Variants in FRMPD3 observed in about 807,000 individuals in gnomAD.
The protein encoded by FRMPD3 is FERM and PDZ domain-containing protein 3.
Under a neutral mutation model 97.9 loss-of-function variants are expected in FRMPD3, and 42 were observed. That is an observed-to-expected ratio of 0.43 (90% confidence interval 0.34 to 0.55). FRMPD3 has a LOEUF of 0.55. Among genes scored for constraint, FRMPD3 ranks in the 20% least tolerant of loss-of-function variants. The probability of loss-of-function intolerance (pLI) is 0.03; values close to 1 mark genes in which losing one functional copy is unlikely to be tolerated. For missense variants in FRMPD3, 1,303 were observed against 1,457.7 expected (o/e 0.89, Z 1.73); for synonymous variants, 577 against 581.1 (o/e 0.99, Z 0.10).
rs1331817020 is a variant in FRMPD3, at chrX:107,602,681, G to A, written c.4642G>A (p.Ala1548Thr). The A allele has an allele frequency of 1.7e-6, 2 of 1,208,627 alleles. No homozygotes were observed. Among genetic ancestry groups the A allele is most frequent in the Non-Finnish European group, 2.2e-6 (2 of 895,216 alleles). The change falls in exon 15 of 15, where the codon GCT (alanine) becomes ACT (threonine). Residue 1548 changes from alanine (A) to threonine (T), a missense_variant. By Grantham distance (58) the Ala-to-Thr change is moderately conservative (BLOSUM62 0). Around this residue, in one of 3 missense-constraint regions of FRMPD3, gnomAD observed 764 missense variants for 820.2 expected, o/e 0.93. Transcript: ENST00000683843. ...CAGGACCCTGCAGGTGCTGGATGCT[G>A]CTACCTGCAGCAGCAGCAGCCCTGA... ...VSRTLQVLDA[A>T]TCSSSSPEAS...
rs1921955455 is a variant in FRMPD3, at chrX:107,503,184, TTGAATAGCAGC to T, written c.-7-23397_-7-23387del. ...GGTGGGTCAGACACTGGCTGCACTG[TTGAATAGCAGC>T]ACCAAGCCCATGTCCATAGTGCCAG... On this transcript the variant is annotated intron_variant, in intron 1 of 14. Transcript: ENST00000683843. Among the ~76,000 whole-genome samples the T allele has an allele frequency of 6.3e-5, 7 of 111,969 alleles. No individual in the cohort carries two copies. In the South Asian group the frequency reaches 2.6e-3, roughly 42 times the overall value.
intron 1 of FRMPD3, among the ~76,000 whole-genome samples, chrX:107,490,594 A>G (rs868170722): frequency 2.7e-5 from 3 of 111,033 alleles, no homozygotes; most frequent in Non-Finnish European, 3.8e-5. Flanking sequence ...ATTCTCTTTG[A>G]AGCAATTGTG....
intron 13 of FRMPD3, among the ~76,000 whole-genome samples, chrX:107,585,520 G>T (rs1381439966): frequency 5.4e-5 from 6 of 111,521 alleles, no homozygotes; most frequent in Admixed American, 1.9e-4. Flanking sequence ...TCTCGTACTG[G>T]TTTTCAAAGG....
intron 13 of FRMPD3, among the ~76,000 whole-genome samples, chrX:107,580,949 G>A (rs1051716117): frequency 5.4e-5 from 6 of 111,426 alleles, no homozygotes; most frequent in African/African-American, 2.0e-4. Flanking sequence ...CCATATCTTA[G>A]CTATGGGATC....
Position 107,602,059 on chromosome X carries a change from C to T in FRMPD3, c.4020C>T (p.Gly1340=), listed in dbSNP as rs1042987405. The T allele has an allele frequency of 2.0e-5, 24 of 1,194,437 alleles. No individual in the cohort carries two copies. The highest frequency in any genetic ancestry group is 2.3e-5 in the Non-Finnish European group (20 of 887,300). ...AGAGGCAGCCAGAGGCTGGCCCAGG[C>T]GTGAGCCTCAGCAGCCCCATCAATG... The part of the protein sequence containing the change: ...PSQRQPEAGP[G]VSLSSPINVQ... The change falls in exon 15 of 15, where the codon GGC becomes GGT. Residue 1340 remains glycine, a synonymous_variant. Coordinates refer to ENST00000683843, the MANE Select transcript of FRMPD3 (RefSeq NM_001388459.1).
chrX:107,582,525 A>C (rs775987589), intron 13 of FRMPD3, among the ~76,000 whole-genome samples: 1 of 112,642 alleles, frequency 8.9e-6, no homozygotes, highest in Admixed American at 9.4e-5. Context: ...AGTGTGTGTG[A>C]AGTGGTAGCT....
chrX:107,459,884 T>TACACACAC lies in FRMPD3; in HGVS notation c.-8+9920_-8+9927dup, dbSNP rs67324661. On this transcript the variant is annotated intron_variant, in intron 1 of 14. Coordinates refer to ENST00000683843, the MANE Select transcript of FRMPD3 (RefSeq NM_001388459.1). ...GTGCGTGCGTGCACGCAAGCATACA[T>TACACACAC]ACACACACACACACACACACACACA... 3.6e-3 allele frequency among the ~76,000 whole-genome samples: 319 copies of TACACACAC among 89,858 alleles called. 3 individuals are homozygous for TACACACAC. The highest frequency in any genetic ancestry group is 0.011 in the African/African-American group (275 of 24,977). 78.0% of individuals were successfully genotyped at this position (89,858 alleles called of 115,157 possible). A position where few individuals can be genotyped will look rare whatever the true frequency, so the allele number is the denominator to read the frequency against.
At chrX:107,476,146 A>T (rs1336497724) in intron 1 of FRMPD3, among the ~76,000 whole-genome samples, 1 of 112,183 alleles carries the variant, frequency 8.9e-6, no homozygotes, top group East Asian at 2.8e-4. Flanking sequence ...CGGCCTCCCA[A>T]AGTGCTGGGA....
intron 5 of FRMPD3, 22 bp from the exon 6 acceptor site, chrX:107,550,027 T>C: frequency 9.5e-7 from 1 of 1,051,118 alleles, no homozygotes; most frequent in African/African-American, 1.8e-5. Flanking sequence ...GGTCTCCTTG[T>C]CCTTTCCCTG....
intron 1 of FRMPD3, among the ~76,000 whole-genome samples, chrX:107,517,805 G>A (rs1922387044): frequency 1.2e-5 from 1 of 83,036 alleles, no homozygotes; most frequent in Non-Finnish European, 2.2e-5. Context: ...AGAAGGAAAG[G>A]AAGGAAAGAA....
chrX:107,498,278 A>G (rs139838738), intron 1 of FRMPD3, among the ~76,000 whole-genome samples: 1 of 112,322 alleles, frequency 8.9e-6, no homozygotes, highest in Non-Finnish European at 1.9e-5. Flanking sequence ...GCCATGACAT[A>G]GGAGATGGTG....
chrX:107,594,940 G>A (rs1176482908), intron 13 of FRMPD3, among the ~76,000 whole-genome samples: 1 of 111,893 alleles, frequency 8.9e-6, no homozygotes, highest in Non-Finnish European at 1.9e-5. Context: ...CATAAATTTT[G>A]GTATGTGGTA....
chrX:107,470,975 A>G (rs1921041034), intron 1 of FRMPD3, among the ~76,000 whole-genome samples: 1 of 112,270 alleles, frequency 8.9e-6, no homozygotes, highest in African/African-American at 3.2e-5. Flanking sequence ...TTTGTTGTGT[A>G]GAGTATCACC....
chrX:107,489,434 G>T (rs1160962376), intron 1 of FRMPD3, among the ~76,000 whole-genome samples: 2 of 111,584 alleles, frequency 1.8e-5, no homozygotes, highest in Non-Finnish European at 3.8e-5. Flanking sequence ...ATGGTTGAAA[G>T]AGTTTACAGT....
intron 12 of FRMPD3, among the ~76,000 whole-genome samples, chrX:107,572,510 G>A (rs980892941): frequency 8.1e-5 from 9 of 111,399 alleles, no homozygotes; most frequent in Admixed American, 2.9e-4. Context: ...GCCTGAGACG[G>A]GTGGATCACT....
intron 1 of FRMPD3, among the ~76,000 whole-genome samples, chrX:107,508,715 G>A (rs1412920851): frequency 9.0e-6 from 1 of 111,652 alleles, no homozygotes; most frequent in African/African-American, 3.3e-5. Context: ...CCATTCCCCA[G>A]CCCCTCTTTG....
At chrX:107,468,650 G>A (rs1049348566) in intron 1 of FRMPD3, among the ~76,000 whole-genome samples, 4 of 112,445 alleles carry the variant, frequency 3.6e-5, no homozygotes, top group African/African-American at 1.3e-4. Flanking sequence ...TCTACATTGC[G>A]TGCCTCAGAC....
intron 8 of FRMPD3, among the ~76,000 whole-genome samples, chrX:107,559,571 C>T (rs888782452): frequency 8.9e-6 from 1 of 111,941 alleles, no homozygotes; most frequent in Admixed American, 9.4e-5. Flanking sequence ...GCTTCCTAGT[C>T]CCTTAGTCCA....
chrX:107,462,836 G>C (rs1024312583), intron 1 of FRMPD3, among the ~76,000 whole-genome samples: 1 of 111,720 alleles, frequency 9.0e-6, no homozygotes, highest in Non-Finnish European at 1.9e-5. Flanking sequence ...TGCCTTCTCT[G>C]TTTCTCACTA....
Sources: allele counts gnomAD v4.1 joint callset (sites outside exome capture counted in the v4.1 genomes callset), GRCh38; gene constraint gnomAD v4.1.1; regional missense constraint gnomAD v4.1.1; transcripts MANE v1.5; gene names NCBI Gene and HGNC (gene_info 2026-07-23, HGNC 2026-07-21).